Variants in ACSS3 observed in about 807,000 individuals in gnomAD.
The protein encoded by ACSS3 is acyl-CoA synthetase short chain family member 3.
Under a neutral mutation model 84.2 loss-of-function variants are expected in ACSS3, and 64 were observed. The ratio of observed to expected loss-of-function variants is 0.76; its 90% confidence interval spans 0.62 to 0.94. ACSS3 has a LOEUF of 0.94. ACSS3 is among the 40% of genes least tolerant of loss of function. The pLI is 0.00. For synonymous variants in ACSS3, 317 were observed against 310.1 expected, an observed-to-expected ratio of 1.02 and a Z score of -0.23; for missense variants, 815 against 867.6, an observed-to-expected ratio of 0.94 and a Z score of 0.76.
intron 5 of ACSS3, among the ~76,000 whole-genome samples, chr12:81,146,427 G>A: frequency 6.6e-6 from 1 of 152,152 alleles, no homozygotes; most frequent in East Asian, 1.9e-4. Flanking sequence ...CATATGGTTT[G>A]TTTCCTCAAT....
intron 7 of ACSS3, among the ~76,000 whole-genome samples, chr12:81,168,338 A>AGT (rs947762928): frequency 2.0e-5 from 3 of 152,090 alleles, no homozygotes; most frequent in Non-Finnish European, 4.4e-5. Context: ...TACTTCGACA[A>AGT]TTTTTGTTTA....
chr12:81,149,268 TG>T (rs2135748114), intron 5 of ACSS3, among the ~76,000 whole-genome samples: 1 of 152,326 alleles, frequency 6.6e-6, no homozygotes, highest in South Asian at 2.1e-4. Flanking sequence ...TATAATGGTT[TG>T]TTTTCTGGAG....
At chr12:81,083,135 G>C (rs12316141) in intron 1 of ACSS3, among the ~76,000 whole-genome samples, 2 of 151,678 alleles carry the variant, frequency 1.3e-5, no homozygotes, top group African/African-American at 4.8e-5. Flanking sequence ...TTAGTGGCTT[G>C]TCTGAGTTGC....
At chr12:81,213,987 C>G (rs1270911422) in intron 9 of ACSS3, among the ~76,000 whole-genome samples, 2 of 56,268 alleles carry the variant, frequency 3.6e-5, no homozygotes, top group East Asian at 5.8e-4. Context: ...TTCTTTCTTT[C>G]TTTCTTTCTT....
chr12:81,170,274 G>A (rs2029937924), intron 7 of ACSS3, among the ~76,000 whole-genome samples: 1 of 152,060 alleles, frequency 6.6e-6, no homozygotes, highest in African/African-American at 2.4e-5. Context: ...TTCTGACTGG[G>A]GCCTTGTCAT....
chr12:81,132,774 C>T (rs1451090677), intron 2 of ACSS3, among the ~76,000 whole-genome samples: 1 of 152,040 alleles, frequency 6.6e-6, no homozygotes, highest in Admixed American at 6.6e-5. Flanking sequence ...GGTTGAATGT[C>T]ATTTTTATTC....
At chr12:81,158,647 C>A (rs1345793926) in intron 7 of ACSS3, among the ~76,000 whole-genome samples, 1 of 152,086 alleles carries the variant, frequency 6.6e-6, no homozygotes, top group Non-Finnish European at 1.5e-5. Flanking sequence ...TAATGTACCA[C>A]ATGCTCCTGT....
At chr12:81,082,704 G>T (rs1881063230) in intron 1 of ACSS3, among the ~76,000 whole-genome samples, 1 of 152,150 alleles carries the variant, frequency 6.6e-6, no homozygotes, top group Non-Finnish European at 1.5e-5. Context: ...TACCTGTCAG[G>T]TAATACATGA....
At chr12:81,197,533 A>G (rs1430771619) in intron 8 of ACSS3, among the ~76,000 whole-genome samples, 1 of 152,026 alleles carries the variant, frequency 6.6e-6, no homozygotes, top group Non-Finnish European at 1.5e-5. Context: ...CAAGTCACAG[A>G]CTTTCTTTGT....
chr12:81,249,599 C>A (rs1214529302), intron 13 of ACSS3, among the ~76,000 whole-genome samples: 1 of 152,042 alleles, frequency 6.6e-6, no homozygotes, highest in Admixed American at 6.6e-5. Flanking sequence ...GTGTATCCAG[C>A]TAAGATGCCT....
chr12:81,165,430 G>A (rs1320384694), intron 7 of ACSS3, among the ~76,000 whole-genome samples: 1 of 152,132 alleles, frequency 6.6e-6, no homozygotes, highest in Non-Finnish European at 1.5e-5. Flanking sequence ...CGGATCACGA[G>A]GTCAGGAGAT....
At position 81,236,799 on chromosome 12, in the gene ACSS3, G is replaced by C. The variant is rs2033642741; in HGVS notation, c.1719+3328G>C. On this transcript the variant is annotated intron_variant, in intron 13 of 15. Coordinates refer to ENST00000548058, the MANE Select transcript of ACSS3 (RefSeq NM_024560.4). ...ACGTCTATGATTCCATTCATACCAA[G>C]AGTTTTTGCACATTCTTCTTGGGCC... Among the ~76,000 whole-genome samples the C allele has an allele frequency of 2.6e-5, 4 of 151,008 alleles. No homozygotes were observed. In the South Asian group the frequency reaches 8.4e-4, roughly 32 times the overall value.
intron 4 of ACSS3, 116 bp from the exon 5 acceptor site, chr12:81,142,991 C>A: frequency 1.1e-6 from 1 of 932,236 alleles, no homozygotes; most frequent in African/African-American, 1.7e-5. Flanking sequence ...ATGTTCAGTG[C>A]CATATAGGCC....
intron 8 of ACSS3, among the ~76,000 whole-genome samples, chr12:81,190,436 T>A (rs559674742): frequency 6.6e-6 from 1 of 152,090 alleles, no homozygotes; most frequent in Non-Finnish European, 1.5e-5. Context: ...TATAACAACA[T>A]GTAACTGTTT....
At chr12:81,219,145 CCTGGGGCAT>C (rs2033021559) in intron 10 of ACSS3, among the ~76,000 whole-genome samples, 1 of 152,048 alleles carries the variant, frequency 6.6e-6, no homozygotes, top group African/African-American at 2.4e-5. Context: ...ACAGAATGTG[CCTGGGGCAT>C]ATAGTGATTT....
intron 8 of ACSS3, among the ~76,000 whole-genome samples, chr12:81,177,645 T>G (rs944045705): frequency 3.3e-5 from 5 of 152,108 alleles, no homozygotes; most frequent in Admixed American, 6.5e-5. Flanking sequence ...CATCAAAAAG[T>G]GGGCGAAGGA....
At chr12:81,167,340 A>T (rs1887450135) in intron 7 of ACSS3, among the ~76,000 whole-genome samples, 1 of 152,198 alleles carries the variant, frequency 6.6e-6, no homozygotes, top group African/African-American at 2.4e-5. Flanking sequence ...AAAAGGATAG[A>T]TCTAGACCAT....
intron 2 of ACSS3, among the ~76,000 whole-genome samples, chr12:81,129,816 C>T (rs1397926172): frequency 4.2e-5 from 6 of 142,344 alleles, no homozygotes; most frequent in Non-Finnish European, 7.6e-5. Flanking sequence ...TGATATTCCC[C>T]GCCCTGTGTC....
chr12:81,086,522 T>C (rs2121299094), intron 1 of ACSS3, among the ~76,000 whole-genome samples: 1 of 152,320 alleles, frequency 6.6e-6, no homozygotes, highest in Non-Finnish European at 1.5e-5. Context: ...TAAGCAAGGA[T>C]GGATTGCCTG....
Sources: gnomAD v4.1 joint callset for allele counts (sites outside exome capture counted in the v4.1 genomes callset) on GRCh38, gnomAD v4.1.1 for gene constraint, MANE v1.5 for transcripts, NCBI Gene and HGNC (gene_info 2026-07-23, HGNC 2026-07-21) for gene names.